NIF3L1: variants seen among roughly 807,000 people sequenced by gnomAD.
The protein encoded by NIF3L1 is NGG1 interacting factor 3 like 1, also known as NIF3-like protein 1.
NIF3L1 carries 26 observed loss-of-function variants against 35.0 expected under a neutral mutation model. That is an observed-to-expected ratio of 0.74 (90% CI 0.54 to 1.03). NIF3L1 has a LOEUF of 1.03. NIF3L1 is among the 50% of genes least tolerant of loss of function. The pLI is 0.00. For missense variants in NIF3L1, 449 were observed against 466.3 expected (o/e 0.96, Z 0.34); for synonymous variants, 157 against 178.9 (o/e 0.88, Z 0.98).
At chr2:200,894,710 C>CT (rs74740047) in intron 3 of NIF3L1, among the ~76,000 whole-genome samples, 1,275 of 123,738 alleles carry the variant, frequency 0.01, 6 homozygotes, top group African/African-American at 0.026. Context: ...GCCTGGCCTT[C>CT]TTTTTTTTTT....
chr2:200,892,162 G>C lies in NIF3L1; in HGVS notation c.219G>C (p.Leu73=). ...ATACACTCTTCCTGACCAATGACCT[G>C]ACTGAGGAAGTGATGGAGGAGGTGC... The part of the protein sequence containing the change: ...TVNTLFLTND[L]TEEVMEEVLQ... Residue 73 remains leucine, a synonymous_variant, in exon 2 of 7, where the codon CTG becomes CTC. Coordinates refer to ENST00000409020, the MANE Select transcript of NIF3L1 (RefSeq NM_001369441.2). 1 of 1,614,184 alleles carries C rather than the reference G, an allele frequency of 6.2e-7. No individual in the cohort carries two copies. The highest frequency in any genetic ancestry group is 8.5e-7 in the Non-Finnish European group (1 of 1,180,036).
At chr2:200,900,893 A>G (rs1457835565) in intron 6 of NIF3L1, among the ~76,000 whole-genome samples, 2 of 152,210 alleles carry the variant, frequency 1.3e-5, no homozygotes, top group Admixed American at 6.5e-5. Flanking sequence ...ATATTCTGCC[A>G]TATTTGTACA....
rs189222533 is a variant in NIF3L1 at position 200,892,740 on chromosome 2, T to C, written c.436+361T>C. Among the ~76,000 whole-genome samples, 19 of 152,164 alleles carry C rather than the reference T, an allele frequency of 1.2e-4. 1 individual carries two copies. The highest frequency in any genetic ancestry group is 5.9e-5 in the Non-Finnish European group (4 of 67,998). The stretch of plus-strand genomic sequence containing the variant: ...TAAGTCAAGTAAATAGACATCAGGG[T>C]TTTAATGAATGTTTTTAGTGAATGT... On this transcript the variant is annotated intron_variant, in intron 2 of 6. Transcript: ENST00000409020.
intron 3 of NIF3L1, 125 bp from the exon 4 acceptor site, chr2:200,895,139 G>A (rs2040278953): frequency 2.3e-6 from 2 of 888,390 alleles, no homozygotes; most frequent in South Asian, 1.7e-5. Context: ...GATTAAATGG[G>A]TTCTGTTGGT....
intron 1 of NIF3L1, 186 bp from the exon 2 acceptor site, chr2:200,891,732 G>A (rs75222008): frequency 0.01 from 5,896 of 579,722 alleles, 279 homozygotes; most frequent in African/African-American, 0.099. Flanking sequence ...TCTCTGTTTC[G>A]TAGGTGAGAA....
At position 200,889,490 on chromosome 2, in the gene NIF3L1, G is replaced by A. The variant is rs1018565623; in HGVS notation, c.-189G>A. 2.1e-5 allele frequency: 4 copies of A among 191,768 alleles called. No homozygotes were observed. The East Asian group carries it at 5.6e-4, about 27-fold the overall frequency. The allele number at this position is 191,768 out of a possible 1,614,324, so 11.9% of individuals were successfully genotyped here. On this transcript the variant is annotated 5_prime_UTR_variant, in exon 1 of 7. Transcript: ENST00000409020. ...GTGATTGTTATCTTGGTGCTGCAGA[G>A]GACAGCAGAAGAGGAGATTGGGTCA...
In NIF3L1 at chr2:200,892,136, A is replaced by G; in HGVS notation, c.193A>G (p.Asn65Asp). The G allele has an allele frequency of 6.2e-7, 1 of 1,614,190 alleles. No homozygotes were observed. The highest frequency in any genetic ancestry group is 8.5e-7 in the Non-Finnish European group (1 of 1,180,032). The change falls in exon 2 of 7, where the codon AAT (asparagine) becomes GAT (aspartate). Residue 65 changes from asparagine (N) to aspartate (D), a missense_variant. Physicochemically the swap from Asn to Asp is conservative, Grantham distance 23. Coordinates refer to ENST00000409020, the MANE Select transcript of NIF3L1 (RefSeq NM_001369441.2). ...GGAACCAAGCCCACCACATACTGTA[A>G]ATACACTCTTCCTGACCAATGACCT... ...LVEPSPPHTV[N>D]TLFLTNDLTE... is the part of the protein sequence containing the mutation.
chr2:200,891,196 C>T (rs918704535), intron 1 of NIF3L1, among the ~76,000 whole-genome samples: 1 of 152,140 alleles, frequency 6.6e-6, no homozygotes, highest in African/African-American at 2.4e-5. Flanking sequence ...ACTTTGTGAT[C>T]CTCCCGCCTC....
rs79997115 is a variant in NIF3L1 at position 200,897,257 on chromosome 2, C to A, written c.865+43C>A. ...ATCTATCCAGTATGCCTACTGTTAA[C>A]ATTGGACAAAGATCGAAACTCTTGG... On this transcript the variant is annotated intron_variant, in intron 5 of 6. Coordinates refer to ENST00000409020, the MANE Select transcript of NIF3L1 (RefSeq NM_001369441.2). 752 of 1,590,312 alleles carry A rather than the reference C, an allele frequency of 4.7e-4. 4 individuals are homozygous for A. In the African/African-American group the frequency reaches 7.1e-3, roughly 15 times the overall value.
chr2:200,899,441 G>T lies in NIF3L1; in HGVS notation c.922G>T (p.Gly308Cys), dbSNP rs974218741. The change falls in exon 6 of 7, where the codon GGT (glycine) becomes TGT (cysteine). Residue 308 changes from glycine (G) to cysteine (C), a missense_variant. Physicochemically the swap from Gly to Cys is radical, Grantham distance 159 (BLOSUM62 -3). Coordinates refer to ENST00000409020, the MANE Select transcript of NIF3L1 (RefSeq NM_001369441.2). ...TGGTTCTGGGAGCAGCGTTCTGCAG[G>T]GTGTTGAGGCTGACCTTTACCTCAC... is the stretch of plus-strand genomic sequence containing the variant. Reference protein sequence around the residue: ...CAGSGSSVLQGVEADLYLTGE... With the variant: ...CAGSGSSVLQCVEADLYLTGE... The T allele has an allele frequency of 6.2e-7, 1 of 1,613,866 alleles. No individual in the cohort carries two copies. The highest frequency in any genetic ancestry group is 1.7e-5 in the Admixed American group (1 of 59,984).
chr2:200,892,252 A>G lies in NIF3L1; in HGVS notation c.309A>G (p.Ile103Met). ...CTATCTTCCGACCCATGAAGCGCATAACCTGGAACACATGGAAGGAGCGCC... is the reference window on the plus strand; with the variant it reads ...CTATCTTCCGACCCATGAAGCGCATGACCTGGAACACATGGAAGGAGCGCC... Reference protein sequence around the residue: ...HPPIFRPMKRITWNTWKERLV... With the variant: ...HPPIFRPMKRMTWNTWKERLV... The change falls in exon 2 of 7, where the codon ATA becomes ATG. Residue 103 changes from isoleucine (I) to methionine (M), a missense_variant. Transcript: ENST00000409020. 3 of 1,614,196 alleles carry G rather than the reference A, an allele frequency of 1.9e-6. No homozygotes were observed. In the South Asian group the frequency reaches 3.3e-5, roughly 18 times the overall value.
intron 1 of NIF3L1, among the ~76,000 whole-genome samples, chr2:200,890,878 T>C (rs1228155992): frequency 6.6e-6 from 1 of 152,184 alleles, no homozygotes; most frequent in Non-Finnish European, 1.5e-5. Flanking sequence ...GCCTTGACCC[T>C]GCCCATTTAT....
chr2:200,892,871 G>C (rs1221203581), intron 2 of NIF3L1, among the ~76,000 whole-genome samples: 1 of 152,146 alleles, frequency 6.6e-6, no homozygotes, highest in Non-Finnish European at 1.5e-5. Flanking sequence ...ATGATATCTG[G>C]ATTAATGTGG....
At chr2:200,893,449 G>A (rs1229461004) in intron 3 of NIF3L1, 41 bp downstream of exon 3, 2 of 1,584,832 alleles carry the variant, frequency 1.3e-6, no homozygotes, top group South Asian at 2.2e-5. Flanking sequence ...GTATTTATTG[G>A]TAAGCATCTT....
chr2:200,894,898 G>A (rs1379412024), intron 3 of NIF3L1, among the ~76,000 whole-genome samples: 2 of 151,982 alleles, frequency 1.3e-5, no homozygotes, highest in Admixed American at 6.6e-5. Flanking sequence ...ATGCACAATC[G>A]GGATTGAGAA....
In NIF3L1 at chr2:200,899,413, T is replaced by G. The variant is rs1266187941; in HGVS notation, c.894T>G (p.Cys298Trp). 15 of 1,614,058 alleles carry G rather than the reference T, an allele frequency of 9.3e-6. No individual in the cohort carries two copies. Among genetic ancestry groups the G allele is most frequent in the Non-Finnish European group, 1.3e-5 (15 of 1,180,014 alleles). ...LESQVKVVAL[C>W]AGSGSSVLQG... ...CTCAAGTCAAAGTCGTGGCCCTGTG[T>G]GCTGGTTCTGGGAGCAGCGTTCTGC... is the stretch of plus-strand genomic sequence containing the variant. Residue 298 changes from cysteine to tryptophan, a missense_variant, in exon 6 of 7, where the codon TGT becomes TGG. Coordinates refer to ENST00000409020, the MANE Select transcript of NIF3L1 (RefSeq NM_001369441.2).
rs753841759 is a variant in NIF3L1 at position 200,903,615 on chromosome 2, C to T, written c.1071C>T (p.His357=). The part of the protein sequence containing the change: ...LSDLRDMLDS[H]LENKINIILS... ...ACCTTCGAGATATGCTGGATTCTCA[C>T]TTGGAGAATAAGATAAATATTATCC... Residue 357 remains histidine, a synonymous_variant, in exon 7 of 7, where the codon CAC becomes CAT. Coordinates refer to ENST00000409020, the MANE Select transcript of NIF3L1 (RefSeq NM_001369441.2). 2.5e-6 allele frequency: 4 copies of T among 1,613,226 alleles called. No homozygotes were observed. The highest frequency in any genetic ancestry group is 3.4e-6 in the Non-Finnish European group (4 of 1,179,296).
chr2:200,895,479 T>TATCA, intron 4 of NIF3L1, 89 bp downstream of exon 4: 1 of 1,290,446 alleles, frequency 7.7e-7, no homozygotes, highest in Non-Finnish European at 1.1e-6. Flanking sequence ...TACTTAGGTA[T>TATCA]ATTGAGGTAT....
At position 200,903,512 on chromosome 2, in the gene NIF3L1, A is replaced by T. The variant is rs530776552; in HGVS notation, c.968A>T (p.Asp323Val). Residue 323 changes from aspartate (D) to valine (V), a missense_variant, in exon 7 of 7, where the codon GAT becomes GTT. Coordinates refer to ENST00000409020, the MANE Select transcript of NIF3L1 (RefSeq NM_001369441.2). Reference sequence around the variant, plus strand: ...TTGGTAGGTGAGATGTCCCATCATGATACTTTGGATGCTGCTTCCCAAGGA... The same window carrying T: ...TTGGTAGGTGAGATGTCCCATCATGTTACTTTGGATGCTGCTTCCCAAGGA... ...LYLTGEMSHHDTLDAASQGIN... is the reference protein window; with the variant it reads ...LYLTGEMSHHVTLDAASQGIN... The T allele has an allele frequency of 6.2e-7, 1 of 1,613,770 alleles. No homozygotes were observed. Among genetic ancestry groups the T allele is most frequent in the Non-Finnish European group, 8.5e-7 (1 of 1,179,658 alleles).
Sources: gnomAD v4.1 joint callset for allele counts (sites outside exome capture counted in the v4.1 genomes callset) on GRCh38, gnomAD v4.1.1 for gene constraint, MANE v1.5 for transcripts, NCBI Gene and HGNC (gene_info 2026-07-23, HGNC 2026-07-21) for gene names.